The following UNC13B variants were observed in gnomAD, a reference collection of about 807,000 sequenced individuals.
UNC13B encodes the protein unc-13 homolog B.
In UNC13B, 144 loss-of-function variants were observed where a neutral mutation model predicts 211.0. The ratio of observed to expected loss-of-function variants is 0.68; its 90% CI spans 0.60 to 0.78. The LOEUF (loss-of-function observed/expected upper bound fraction) is 0.78, where lower values mean the gene tolerates loss of function less well. UNC13B is among the 30% of genes least tolerant of loss of function. The probability of loss-of-function intolerance (pLI) is 0.00; values close to 1 mark genes in which losing one functional copy is unlikely to be tolerated. For missense variants in UNC13B, 1,777 were observed against 2,002.0 expected (o/e 0.89, Z 2.14); for synonymous variants, 709 against 725.8 (o/e 0.98, Z 0.37).
chr9:35,370,243 G>C (rs1834028828), intron 12 of UNC13B, 75 bp from the exon 13 acceptor site: 1 of 1,296,334 alleles, frequency 7.7e-7, no homozygotes, highest in East Asian at 2.3e-5. Context: ...GGAGAGCAAG[G>C]TGAATGGAAC....
chr9:35,285,709 A>G (rs1465849094), intron 7 of UNC13B, among the ~76,000 whole-genome samples: 1 of 152,230 alleles, frequency 6.6e-6, no homozygotes, highest in Non-Finnish European at 1.5e-5. Context: ...TCTAAAAACA[A>G]ATTTTTAAAA....
At chr9:35,287,000 T>C (rs1828835325) in intron 7 of UNC13B, among the ~76,000 whole-genome samples, 2 of 152,090 alleles carry the variant, frequency 1.3e-5, no homozygotes, top group African/African-American at 2.4e-5. Flanking sequence ...CAGCCTCCCA[T>C]GTAGCTGGGA....
chr9:35,250,510 C>T (rs540289129), intron 6 of UNC13B, among the ~76,000 whole-genome samples: 10 of 152,104 alleles, frequency 6.6e-5, no homozygotes, highest in Non-Finnish European at 1.5e-4. Context: ...TTTTTATTGC[C>T]AAATAACATT....
rs1397189594 is a variant in UNC13B, at chr9:35,397,876, A to G, written c.11754+164A>G. On this transcript the variant is annotated intron_variant, in intron 30 of 39. Transcript: ENST00000635942. The stretch of plus-strand genomic sequence containing the variant: ...TGCCACAAAATTACGAGAACTTGAC[A>G]GAGTTCCTGTGAGTCTCATTTGGTA... 2.0e-5 allele frequency among the ~76,000 whole-genome samples: 3 copies of G among 152,204 alleles called. No homozygotes were observed. In the East Asian group the frequency reaches 5.8e-4, roughly 29 times the overall value.
chr9:35,287,138 C>CTTTTT (rs35553171), intron 7 of UNC13B, among the ~76,000 whole-genome samples: 1 of 142,586 alleles, frequency 7.0e-6, no homozygotes, highest in Admixed American at 7.0e-5. Context: ...TTCTTTCTTT[C>CTTTTT]TTTTTTTTTT....
chr9:35,265,638 T>C (rs1210160174), intron 7 of UNC13B, among the ~76,000 whole-genome samples: 1 of 152,168 alleles, frequency 6.6e-6, no homozygotes, highest in Non-Finnish European at 1.5e-5. Flanking sequence ...TTTTTTTTAA[T>C]AGTTAAAAGT....
intron 3 of UNC13B, among the ~76,000 whole-genome samples, chr9:35,233,388 G>C (rs1156824445): frequency 2.0e-5 from 3 of 152,230 alleles, no homozygotes; most frequent in Non-Finnish European, 4.4e-5. Context: ...TTTTCTTCCT[G>C]TCTCTCCCAC....
At chr9:35,183,148 T>C (rs1407615323) in intron 1 of UNC13B, among the ~76,000 whole-genome samples, 6 of 120,576 alleles carry the variant, frequency 5.0e-5, no homozygotes, top group Admixed American at 8.8e-5. Context: ...GCAGAGGCGC[T>C]CCCCACCTCC....
chr9:35,324,875 G>A (rs897146058), intron 11 of UNC13B, among the ~76,000 whole-genome samples: 1 of 152,038 alleles, frequency 6.6e-6, no homozygotes, highest in Non-Finnish European at 1.5e-5. Flanking sequence ...ATCCAGCCCA[G>A]ACCCTAAACC....
chr9:35,396,391 C>G (rs1258351464), intron 26 of UNC13B, 85 bp from the exon 27 acceptor site: 1 of 1,564,222 alleles, frequency 6.4e-7, no homozygotes, highest in East Asian at 2.2e-5. Context: ...ATGGAGCTGC[C>G]TGACCAGATC....
At chr9:35,217,546 G>A (rs768432690) in intron 1 of UNC13B, among the ~76,000 whole-genome samples, 9 of 151,850 alleles carry the variant, frequency 5.9e-5, no homozygotes, top group South Asian at 2.1e-4. Context: ...GTGCCACCAC[G>A]TCCGGCTAAT....
chr9:35,295,888 T>A lies in UNC13B; in HGVS notation c.719T>A (p.Met240Lys). 6.2e-7 allele frequency: 1 copy of A among 1,613,932 alleles called. No individual in the cohort carries two copies. Among genetic ancestry groups the A allele is most frequent in the Non-Finnish European group, 8.5e-7 (1 of 1,179,938 alleles). The change falls in exon 8 of 40, where the codon ATG becomes AAG. Residue 240 changes from methionine (M) to lysine (K), a missense_variant. Met to Lys is a moderately conservative substitution (Grantham distance 95). Transcript: ENST00000635942. Reference sequence around the variant, plus strand: ...TCCCGGGACTCTTGTAATGACTCTATGCAAAGTTATGACCTTGATTATCCA... The same window carrying A: ...TCCCGGGACTCTTGTAATGACTCTAAGCAAAGTTATGACCTTGATTATCCA... ...GSSRDSCNDS[M>K]QSYDLDYPER...
rs374254695 is a variant in UNC13B, at chr9:35,364,408, T to C, written c.9415-2539T>C. The C allele has an allele frequency of 1.3e-5, 11 of 821,620 alleles. 1 individual carries two copies. In the Admixed American group the frequency reaches 1.4e-4, roughly 11 times the overall value. 50.9% of individuals were successfully genotyped at this position (821,620 alleles called of 1,614,324 possible). On this transcript the variant is annotated intron_variant, in intron 11 of 39. Transcript: ENST00000635942. Reference sequence around the variant, plus strand: ...AGCCAGTCAGCTGGGCTCTATGAACTGCCTAGTTGTCCCGAGGACCTCTCC... The same window carrying C: ...AGCCAGTCAGCTGGGCTCTATGAACCGCCTAGTTGTCCCGAGGACCTCTCC...
chr9:35,378,466 G>C lies in UNC13B; in HGVS notation c.10205+30G>C. 1.2e-6 allele frequency: 2 copies of C among 1,613,698 alleles called. 1 individual carries two copies. The highest frequency in any genetic ancestry group is 2.2e-5 in the South Asian group (2 of 91,028). ...GTCACAGAGAGCTTTGTCTTACCTG[G>C]GACTGTGTGTATTGGGGGAGCAGGA... On this transcript the variant is annotated intron_variant, in intron 17 of 39. Transcript: ENST00000635942.
chr9:35,400,557 C>T, intron 37 of UNC13B, 114 bp downstream of exon 37: 3 of 1,292,864 alleles, frequency 2.3e-6, no homozygotes, highest in Non-Finnish European at 3.1e-6. Flanking sequence ...TTCAGAGAGC[C>T]CTTCAAATTC....
rs541005007 is a variant in UNC13B, at chr9:35,404,444, C to T, written c.*411C>T. 54 of 196,882 alleles carry T rather than the reference C, an allele frequency of 2.7e-4. No homozygotes were observed. Among genetic ancestry groups the T allele is most frequent in the African/African-American group, 1.2e-3 (51 of 43,542 alleles). 12.2% of individuals were successfully genotyped at this position (196,882 alleles called of 1,614,324 possible). On this transcript the variant is annotated 3_prime_UTR_variant, in exon 40 of 40. Coordinates refer to ENST00000635942, the MANE Select transcript of UNC13B (RefSeq NM_001371189.2). ...AGTTTAGAAGGTGTGGAACTTGTGC[C>T]TGGCTGGCTGGGTAGTCAGCTGAGC... is the stretch of plus-strand genomic sequence containing the variant.
chr9:35,380,673 A>C, intron 18 of UNC13B, 34 bp downstream of exon 18: 1 of 1,613,628 alleles, frequency 6.2e-7, no homozygotes, highest in South Asian at 1.1e-5. Flanking sequence ...GTTGCTTGGA[A>C]GGGAAAGCAT....
chr9:35,227,237 C>T (rs1824899694), intron 1 of UNC13B, among the ~76,000 whole-genome samples: 1 of 152,168 alleles, frequency 6.6e-6, no homozygotes, highest in Non-Finnish European at 1.5e-5. Context: ...AAGTATTAAG[C>T]AGGACTTGGA....
chr9:35,162,882 T>G (rs1162970710), intron 1 of UNC13B, among the ~76,000 whole-genome samples: 1 of 152,194 alleles, frequency 6.6e-6, no homozygotes, highest in African/African-American at 2.4e-5. Flanking sequence ...TTTATTTTTA[T>G]TTTTATTTTA....
Sources: allele counts gnomAD v4.1 joint callset (sites outside exome capture counted in the v4.1 genomes callset), GRCh38; gene constraint gnomAD v4.1.1; transcripts MANE v1.5; gene names NCBI Gene and HGNC (gene_info 2026-07-23, HGNC 2026-07-21).